The following SLC25A25 variants were observed in gnomAD, a reference collection of about 807,000 sequenced individuals.
SLC25A25 encodes the protein mitochondrial adenyl nucleotide antiporter SLC25A25.
A neutral mutation model predicts 57.7 loss-of-function variants in SLC25A25; 32 were observed. That is an observed-to-expected ratio of 0.55 (90% CI 0.42 to 0.74). The LOEUF (loss-of-function observed/expected upper bound fraction) is 0.74, where lower values mean the gene tolerates loss of function less well. Ranked by LOEUF, SLC25A25 falls within the 30% of genes least tolerant of loss-of-function variation. The pLI is 0.00. For synonymous variants in SLC25A25, 306 were observed against 291.2 expected (o/e 1.05, Z -0.52); for missense variants, 556 against 701.3 (o/e 0.79, Z 2.34).
At chr9:128,080,717 C>T (rs542445748) in intron 1 of SLC25A25, among the ~76,000 whole-genome samples, 1 of 152,228 alleles carries the variant, frequency 6.6e-6, no homozygotes, top group South Asian at 2.1e-4. Flanking sequence ...GAGCCACCAC[C>T]CCCAGCCATT....
chr9:128,076,438 T>TTTTTATTTTTA (rs1564177932), intron 1 of SLC25A25, among the ~76,000 whole-genome samples: 29 of 136,190 alleles, frequency 2.1e-4, no homozygotes, highest in Admixed American at 4.3e-4. Flanking sequence ...GCCTAACTTT[T>TTTTTATTTTTA]TTTTTATTTT....
chr9:128,099,437 G>A lies in SLC25A25; in HGVS notation c.262-1659G>A, dbSNP rs1833697978. 1.8e-6 allele frequency: 2 copies of A among 1,139,498 alleles called. No individual in the cohort carries two copies. The highest frequency in any genetic ancestry group is 2.2e-6 in the Non-Finnish European group (2 of 914,838). The allele number at this position is 1,139,498 out of a possible 1,614,324, so 70.6% of individuals were successfully genotyped here. A position where few individuals can be genotyped will look rare whatever the true frequency, so the allele number is the denominator to read the frequency against. ...CTGCGACAGCACCCACCCCAGGGAG[G>A]CATGTGGCTCACCCTGGCAGCAGGC... On this transcript the variant is annotated intron_variant, in intron 1 of 10. Transcript: ENST00000373069. This position sits in a 1 kb window ranked among gnomAD's most constrained non-coding sequence, Gnocchi z 6.8.
At chr9:128,104,142 G>A (rs1462893493) in intron 6 of SLC25A25, among the ~76,000 whole-genome samples, 1 of 152,160 alleles carries the variant, frequency 6.6e-6, no homozygotes, top group East Asian at 1.9e-4. Flanking sequence ...TTTTGTGTAC[G>A]TTACCCCACA....
At position 128,107,058 on chromosome 9, in the gene SLC25A25, T is replaced by C. The variant is rs752053223; in HGVS notation, c.1242T>C (p.Tyr414=). 6 of 1,614,140 alleles carry C rather than the reference T, an allele frequency of 3.7e-6. No homozygotes were observed. Among genetic ancestry groups the C allele is most frequent in the East Asian group, 2.2e-5 (1 of 44,886 alleles). Residue 414 remains tyrosine (Y), a synonymous_variant, in exon 10 of 11, where the codon TAT becomes TAC. Coordinates refer to ENST00000373069, the MANE Select transcript of SLC25A25 (RefSeq NM_001330988.2). The part of the protein sequence containing the change: ...ETLKNAWLQH[Y]AVNSADPGVF... ...TCAAGAATGCCTGGCTGCAGCACTA[T>C]GCAGTGAACAGCGCGGACCCCGGCG...
chr9:128,092,212 G>A lies in SLC25A25; in HGVS notation c.262-8884G>A, dbSNP rs146568410. ...ACGTTAGTTCGGGGTTCAGGGAGAA[G>A]TGGTAGGCAATGAGGAAGCCCACAA... is the stretch of plus-strand genomic sequence containing the variant. On this transcript the variant is annotated intron_variant, in intron 1 of 10. Coordinates refer to ENST00000373069, the MANE Select transcript of SLC25A25 (RefSeq NM_001330988.2). 4.8e-4 allele frequency: 621 copies of A among 1,290,014 alleles called. 4 individuals are homozygous for A. The African/African-American group carries it at 7.5e-3, about 16-fold the overall frequency. 79.9% of individuals were successfully genotyped at this position (1,290,014 alleles called of 1,614,324 possible). A position where few individuals can be genotyped will look rare whatever the true frequency, so the allele number is the denominator to read the frequency against.
chr9:128,087,225 A>C (rs899345889), intron 1 of SLC25A25, among the ~76,000 whole-genome samples: 5 of 150,934 alleles, frequency 3.3e-5, no homozygotes, highest in Admixed American at 3.3e-4. Context: ...GGCGTGAGCC[A>C]CCGCGCCCGG....
Position 128,108,600 on chromosome 9 carries a change from T to G in SLC25A25, c.*1156T>G, listed in dbSNP as rs1346620325. ...AATAGCTTGTCATTTTCAAGTTCAT[T>G]TTTTATTCATATTTATGTTCATGGT... On this transcript the variant is annotated 3_prime_UTR_variant, in exon 11 of 11. Transcript: ENST00000373069. 5.2e-6 allele frequency: 1 copy of G among 191,298 alleles called. No individual in the cohort carries two copies. The highest frequency in any genetic ancestry group is 2.3e-5 in the African/African-American group (1 of 43,106). 11.9% of individuals were successfully genotyped at this position (191,298 alleles called of 1,614,324 possible).
At chr9:128,083,255 GT>G (rs956749725) in intron 1 of SLC25A25, among the ~76,000 whole-genome samples, 2 of 67,744 alleles carry the variant, frequency 3.0e-5, no homozygotes, top group African/African-American at 7.7e-5. Flanking sequence ...AAATAAAAGT[GT>G]TTTTTTTTGT....
chr9:128,092,087 A>C (rs1254266868), intron 1 of SLC25A25: 1 of 1,613,330 alleles, frequency 6.2e-7, no homozygotes, highest in East Asian at 2.2e-5. Context: ...GCAGTTTCCT[A>C]AGGTAATGTT....
intron 1 of SLC25A25, among the ~76,000 whole-genome samples, chr9:128,077,256 G>C (rs1033211935): frequency 6.6e-6 from 1 of 152,046 alleles, no homozygotes; most frequent in Admixed American, 6.6e-5. Flanking sequence ...GGCCGGGCGC[G>C]GTGGCTCACG....
chr9:128,072,477 C>T (rs1395304765), intron 1 of SLC25A25, among the ~76,000 whole-genome samples: 1 of 152,202 alleles, frequency 6.6e-6, no homozygotes, highest in Non-Finnish European at 1.5e-5. Flanking sequence ...TGGGTAAACC[C>T]AGGCCATGTG....
Position 128,108,424 on chromosome 9 carries a change from G to A in SLC25A25, c.*980G>A. On this transcript the variant is annotated 3_prime_UTR_variant, in exon 11 of 11. Transcript: ENST00000373069. ...GAGCTTGGCTGACTGCTCAGAGTCT[G>A]TTCTGACGCCCTGGGGGTTCCTGTC... 2.5e-6 allele frequency: 1 copy of A among 396,736 alleles called. No individual in the cohort carries two copies. Among genetic ancestry groups the A allele is most frequent in the Non-Finnish European group, 4.4e-6 (1 of 225,140 alleles). 24.6% of individuals were successfully genotyped at this position (396,736 alleles called of 1,614,324 possible).
chr9:128,101,138 G>C lies in SLC25A25; in HGVS notation c.304G>C (p.Asp102His). The C allele has an allele frequency of 6.2e-7, 1 of 1,614,252 alleles. No homozygotes were observed. Among genetic ancestry groups the C allele is most frequent in the Non-Finnish European group, 8.5e-7 (1 of 1,180,038 alleles). Reference sequence around the variant, plus strand: ...AGATAAGGACCTTGATGGGCAGCTAGACTTTGAAGAATTTGTCCATTATCT... The same window carrying C: ...AGATAAGGACCTTGATGGGCAGCTACACTTTGAAGAATTTGTCCATTATCT... ...AGDKDLDGQL[D>H]FEEFVHYLQD... Residue 102 changes from aspartate (D) to histidine (H), a missense_variant, in exon 2 of 11, where the codon GAC becomes CAC. Coordinates refer to ENST00000373069, the MANE Select transcript of SLC25A25 (RefSeq NM_001330988.2). The surrounding 1 kb of genome is among the most constrained non-coding windows in gnomAD (Gnocchi z 4.9).
At chr9:128,076,063 T>G (rs2130785205) in intron 1 of SLC25A25, among the ~76,000 whole-genome samples, 1 of 152,128 alleles carries the variant, frequency 6.6e-6, no homozygotes, top group East Asian at 1.9e-4. Context: ...TTTTATTTTA[T>G]TTTATTTTAT....
In SLC25A25 at chr9:128,107,430, G is replaced by A. The variant is rs370283153; in HGVS notation, c.1534G>A (p.Val512Met). The change falls in exon 11 of 11, where the codon GTG (valine) becomes ATG (methionine). Residue 512 changes from valine (V) to methionine (M), a missense_variant. This residue lies in a region of SLC25A25 where 294 missense variants were observed against 389.6 expected (regional missense o/e 0.75). Transcript: ENST00000373069. ...CGAGAACCTGAAGATCACCCTGGGC[G>A]TGCAGTCGCGGTGACGGGGGGAGGG... ...VYENLKITLG[V>M]QSR is the part of the protein sequence containing the mutation. 6.0e-5 allele frequency: 91 copies of A among 1,506,968 alleles called. No individual in the cohort carries two copies. The highest frequency in any genetic ancestry group is 7.1e-5 in the Non-Finnish European group (80 of 1,127,010). 93.3% of individuals were successfully genotyped at this position (1,506,968 alleles called of 1,614,324 possible). A position where few individuals can be genotyped will look rare whatever the true frequency, so the allele number is the denominator to read the frequency against.
chr9:128,096,959 T>C (rs1477221725), intron 1 of SLC25A25, among the ~76,000 whole-genome samples: 1 of 152,234 alleles, frequency 6.6e-6, no homozygotes, highest in East Asian at 1.9e-4. Context: ...CGTTATCAGA[T>C]CTCTGTTAGA....
intron 1 of SLC25A25, chr9:128,091,684 C>G (rs1242376989): frequency 7.7e-7 from 1 of 1,298,708 alleles, no homozygotes; most frequent in Non-Finnish European, 9.8e-7. Flanking sequence ...AGCTACTTCT[C>G]AGGCCGGGCA....
chr9:128,097,595 T>C (rs1833598459), intron 1 of SLC25A25, among the ~76,000 whole-genome samples: 1 of 152,292 alleles, frequency 6.6e-6, no homozygotes, highest in Middle Eastern at 3.4e-3. Context: ...CGCCTGGCTA[T>C]GACTTTACAT....
In SLC25A25 at chr9:128,093,883, C is replaced by T. The variant is rs538216785; in HGVS notation, c.262-7213C>T. The stretch of plus-strand genomic sequence containing the variant: ...GTTCACTTTAGGCCAGGCGCAGTGG[C>T]TCATGCCTGTAATCCCAGCACTTTG... On this transcript the variant is annotated intron_variant, in intron 1 of 10. Coordinates refer to ENST00000373069, the MANE Select transcript of SLC25A25 (RefSeq NM_001330988.2). Among the ~76,000 whole-genome samples, 27 of 152,354 alleles carry T rather than the reference C, an allele frequency of 1.8e-4. No individual in the cohort carries two copies. In the South Asian group the frequency reaches 2.9e-3, roughly 16 times the overall value.
Sources: allele counts gnomAD v4.1 joint callset (sites outside exome capture counted in the v4.1 genomes callset), GRCh38; gene constraint gnomAD v4.1.1; regional missense constraint gnomAD v4.1.1; non-coding constraint Gnocchi (gnomAD v3.1); transcripts MANE v1.5; gene names NCBI Gene and HGNC (gene_info 2026-07-23, HGNC 2026-07-21).